Variants in MIS18A observed in about 807,000 individuals in gnomAD.
MIS18A encodes the protein protein Mis18-alpha.
In MIS18A, 14 loss-of-function variants were observed where a neutral mutation model predicts 25.0. That is an observed-to-expected ratio of 0.56 (90% CI 0.37 to 0.88). The LOEUF is 0.88. Ranked by LOEUF, MIS18A falls within the 40% of genes least tolerant of loss-of-function variation. The pLI is 0.00. For synonymous variants in MIS18A, 134 were observed against 118.6 expected, an observed-to-expected ratio of 1.13 and a Z score of -0.84; for missense variants, 292 against 290.8, an observed-to-expected ratio of 1.00 and a Z score of -0.03.
At chr21:32,258,111 C>T in the MIS18A span, among the ~76,000 whole-genome samples, 2 of 152,118 alleles carry the variant, frequency 1.3e-5, no homozygotes, top group South Asian at 2.1e-4. Context: ...ACCTCTCAGC[C>T]GGCAACTCCA....
At chr21:32,255,438 G>T in the MIS18A span, among the ~76,000 whole-genome samples, 3 of 151,546 alleles carry the variant, frequency 2.0e-5, no homozygotes, top group African/African-American at 7.3e-5. Flanking sequence ...TCCCCATGTT[G>T]CCCAGGCTGG....
At chr21:32,217,045 A>G in the MIS18A span, among the ~76,000 whole-genome samples, 1 of 152,218 alleles carries the variant, frequency 6.6e-6, no homozygotes, top group Non-Finnish European at 1.5e-5. Context: ...TATATTATGT[A>G]AAAATTCCAG....
chr21:32,250,593 G>A, the MIS18A span, among the ~76,000 whole-genome samples: 1 of 152,314 alleles, frequency 6.6e-6, no homozygotes, highest in Non-Finnish European at 1.5e-5. Context: ...CTGTCCTGAG[G>A]AACTCTCAGA....
At chr21:32,272,452 C>T (rs1046302731) in intron 2 of MIS18A, among the ~76,000 whole-genome samples, 5 of 152,182 alleles carry the variant, frequency 3.3e-5, no homozygotes, top group African/African-American at 7.2e-5. Context: ...GTGATACAAA[C>T]AGTATTAATA....
downstream of MIS18A, among the ~76,000 whole-genome samples, chr21:32,265,379 G>C (rs988773689): frequency 2.6e-5 from 4 of 152,246 alleles, no homozygotes; most frequent in Admixed American, 6.5e-5. Context: ...TTGCGGGCCA[G>C]CTGGAGTTCC....
chr21:32,189,850 G>C, the MIS18A span, among the ~76,000 whole-genome samples: 6 of 152,126 alleles, frequency 3.9e-5, no homozygotes, highest in Admixed American at 1.3e-4. Context: ...TTAGTTATCT[G>C]GGTGTATTTC....
the MIS18A span, among the ~76,000 whole-genome samples, chr21:32,256,192 T>C: frequency 7.2e-5 from 11 of 152,324 alleles, no homozygotes; most frequent in African/African-American, 2.6e-4. Flanking sequence ...ATTACTCTAC[T>C]CTTTACTGGA....
the MIS18A span, among the ~76,000 whole-genome samples, chr21:32,177,814 GAATGGA>G: frequency 1.3e-5 from 2 of 152,068 alleles, no homozygotes; most frequent in Non-Finnish European, 2.9e-5. Flanking sequence ...TGATGTTCAT[GAATGGA>G]AAGAGTCAAT....
At chr21:32,193,771 C>T in the MIS18A span, among the ~76,000 whole-genome samples, 7 of 151,374 alleles carry the variant, frequency 4.6e-5, no homozygotes, top group East Asian at 1.9e-4. Flanking sequence ...ATTTTTCTGA[C>T]GTTTTAATGT....
At chr21:32,276,287 C>T (rs1229400760) in intron 1 of MIS18A, among the ~76,000 whole-genome samples, 1 of 151,602 alleles carries the variant, frequency 6.6e-6, no homozygotes, top group Non-Finnish European at 1.5e-5. Flanking sequence ...GGTGAAACCC[C>T]GTCTCTACTA....
At chr21:32,251,335 G>GTCTC in the MIS18A span, among the ~76,000 whole-genome samples, 1 of 151,478 alleles carries the variant, frequency 6.6e-6, no homozygotes, top group Non-Finnish European at 1.5e-5. Flanking sequence ...TCAATACCCA[G>GTCTC]TCTCTCTCTC....
At chr21:32,202,200 G>A in the MIS18A span, among the ~76,000 whole-genome samples, 1 of 151,826 alleles carries the variant, frequency 6.6e-6, no homozygotes, top group African/African-American at 2.4e-5. Flanking sequence ...GAGGTGGGAG[G>A]ATCACCTGAG....
At chr21:32,162,450 A>G in the MIS18A span, among the ~76,000 whole-genome samples, 1,139 of 152,240 alleles carry the variant, frequency 7.5e-3, 16 homozygotes, top group African/African-American at 0.025. Flanking sequence ...GGGGGATCTT[A>G]TTTATATTTC....
chr21:32,273,865 G>C (rs532889465), intron 2 of MIS18A, among the ~76,000 whole-genome samples: 1 of 151,996 alleles, frequency 6.6e-6, no homozygotes, highest in Admixed American at 6.5e-5. Flanking sequence ...TATTTCATAC[G>C]CAAGTGTAAG....
At position 32,279,046 on chromosome 21, in the gene MIS18A, A is replaced by C; in HGVS notation, c.-32T>G. On this transcript the variant is annotated 5_prime_UTR_variant, in exon 1 of 5. It removes an upstream start codon present in the reference 5' UTR. Coordinates refer to ENST00000290130, the MANE Select transcript of MIS18A (RefSeq NM_018944.3). ...CAAATCGCCCGCGCCCCAGAGCGCCATGGGAAAAAAAACCGCCGCTGCTCA... is the reference window on the plus strand; with the variant it reads ...CAAATCGCCCGCGCCCCAGAGCGCCCTGGGAAAAAAAACCGCCGCTGCTCA... The C allele has an allele frequency of 6.5e-7, 1 of 1,536,754 alleles. No individual in the cohort carries two copies. The highest frequency in any genetic ancestry group is 1.4e-5 in the African/African-American group (1 of 72,806).
the MIS18A span, chr21:32,260,084 C>CTTTTTTTTTTTTTTTTTTTTTTTTTTTTT: frequency 1.1e-4 from 13 of 116,968 alleles, 1 homozygote; most frequent in African/African-American, 3.3e-4. Flanking sequence ...TTTTTCTCAG[C>CTTTTTTTTTTTTTTTTTTTTTTTTTTTTT]TTTTTTTTTT....
chr21:32,188,874 C>T, the MIS18A span, among the ~76,000 whole-genome samples: 2 of 152,220 alleles, frequency 1.3e-5, no homozygotes, highest in African/African-American at 4.8e-5. Context: ...TGTGCAAAAA[C>T]ACAAGAGACC....
chr21:32,223,428 A>T, the MIS18A span, among the ~76,000 whole-genome samples: 1 of 152,172 alleles, frequency 6.6e-6, no homozygotes, highest in Admixed American at 6.6e-5. Context: ...TAGACACAAT[A>T]AAAAATGACT....
the MIS18A span, among the ~76,000 whole-genome samples, chr21:32,239,641 TTGAC>T: frequency 6.6e-6 from 1 of 152,198 alleles, no homozygotes. Context: ...AATGGATTCT[TTGAC>T]TGACTGTGAG....
Sources: allele counts gnomAD v4.1 joint callset (sites outside exome capture counted in the v4.1 genomes callset), GRCh38; gene constraint gnomAD v4.1.1; transcripts MANE v1.5; gene names NCBI Gene and HGNC (gene_info 2026-07-23, HGNC 2026-07-21).